LRRC37A2: variants seen among roughly 807,000 people sequenced by gnomAD.
The protein encoded by LRRC37A2 is leucine-rich repeat-containing protein 37A2.
In LRRC37A2, 9 loss-of-function variants were observed where a neutral mutation model predicts 68.8. The ratio of observed to expected loss-of-function variants is 0.13; its 90% CI spans 0.08 to 0.23. The LOEUF (loss-of-function observed/expected upper bound fraction) is 0.23. LRRC37A2 is among the 10% of genes least tolerant of loss of function. LRRC37A2 has a pLI of 1.00. For synonymous variants in LRRC37A2, 63 were observed against 367.6 expected, an observed-to-expected ratio of 0.17 and a Z score of 9.48; for missense variants, 168 against 950.4, an observed-to-expected ratio of 0.18 and a Z score of 10.82.
At chr17:46,491,134 C>T in the LRRC37A2 span, among the ~76,000 whole-genome samples, 32 of 150,854 alleles carry the variant, frequency 2.1e-4, no homozygotes, top group African/African-American at 3.5e-4. Context: ...TGAGCTCAGG[C>T]GATCCGCCCG....
the LRRC37A2 span, among the ~76,000 whole-genome samples, chr17:46,960,383 A>C: frequency 6.6e-6 from 1 of 152,236 alleles, no homozygotes; most frequent in Non-Finnish European, 1.5e-5. Context: ...GAGCACCTAG[A>C]ATGCTCACAC....
At chr17:46,970,292 G>A in the LRRC37A2 span, among the ~76,000 whole-genome samples, 2 of 152,102 alleles carry the variant, frequency 1.3e-5, no homozygotes, top group Non-Finnish European at 2.9e-5. Context: ...TGTAATCCCA[G>A]CACTTTGGGA....
chr17:46,946,393 G>A, the LRRC37A2 span, among the ~76,000 whole-genome samples: 2 of 150,390 alleles, frequency 1.3e-5, no homozygotes, highest in East Asian at 2.0e-4. Context: ...CCTGGGAGGC[G>A]GAGGTTGCAG....
At chr17:46,770,848 G>A in the LRRC37A2 span, among the ~76,000 whole-genome samples, 1 of 152,232 alleles carries the variant, frequency 6.6e-6, no homozygotes, top group South Asian at 2.1e-4. Flanking sequence ...CACATGGAAA[G>A]TTTTACTCAT....
chr17:46,887,528 G>A, the LRRC37A2 span, among the ~76,000 whole-genome samples: 183 of 152,254 alleles, frequency 1.2e-3, no homozygotes, highest in African/African-American at 4.2e-3. Context: ...ATTTTGGAAG[G>A]CTGAGGTGGG....
chr17:46,915,767 A>T, the LRRC37A2 span, among the ~76,000 whole-genome samples: 1 of 152,240 alleles, frequency 6.6e-6, no homozygotes, highest in Non-Finnish European at 1.5e-5. Flanking sequence ...GAGGCGGTTC[A>T]GGGCTCATGC....
In LRRC37A2 at chr17:46,545,046, A is replaced by C. The variant is rs1428131457; in HGVS notation, c.3054-1209A>C. On this transcript the variant is annotated intron_variant, in intron 8 of 14. Transcript: ENST00000576629. The stretch of plus-strand genomic sequence containing the variant: ...TAAGCATTTTTGGGAAAAATACTGC[A>C]TAGGTGATGTATCCTTCCTGCCTCG... Among the ~76,000 whole-genome samples, 3 of 138,640 alleles carry C rather than the reference A, an allele frequency of 2.2e-5. 1 individual carries two copies. The East Asian group carries it at 6.5e-4, about 30-fold the overall frequency. 91.0% of individuals were successfully genotyped at this position (138,640 alleles called of 152,430 possible).
At chr17:46,925,536 T>C in the LRRC37A2 span, among the ~76,000 whole-genome samples, 6 of 152,212 alleles carry the variant, frequency 3.9e-5, no homozygotes, top group African/African-American at 1.4e-4. Context: ...ATCTGTAGAA[T>C]GATATTATAA....
At chr17:46,918,596 GACACACACACACAC>G in the LRRC37A2 span, among the ~76,000 whole-genome samples, 5,639 of 146,618 alleles carry the variant, frequency 0.038, 114 homozygotes, top group Middle Eastern at 0.092. Context: ...ATAGCAGGCA[GACACACACACACAC>G]ACACACACAC....
At chr17:46,606,128 G>A in the LRRC37A2 span, among the ~76,000 whole-genome samples, 1 of 42,580 alleles carries the variant, frequency 2.3e-5, no homozygotes, top group Admixed American at 3.0e-4. Context: ...GCAGTGAGCC[G>A]AAATCACGCC....
chr17:46,836,090 G>A, the LRRC37A2 span, among the ~76,000 whole-genome samples: 8 of 147,600 alleles, frequency 5.4e-5, no homozygotes, highest in South Asian at 2.2e-4. Flanking sequence ...CTGGAGAGAC[G>A]CTGACGTGTG....
the LRRC37A2 span, among the ~76,000 whole-genome samples, chr17:46,703,680 C>CAAAAAAAAAAAAA: frequency 4.0e-4 from 15 of 37,642 alleles, 1 homozygote; most frequent in Non-Finnish European, 5.5e-4. Context: ...GACTCCGTCT[C>CAAAAAAAAAAAAA]AAAAAAAAAA....
chr17:46,862,942 G>GT, the LRRC37A2 span, among the ~76,000 whole-genome samples: 1 of 152,244 alleles, frequency 6.6e-6, no homozygotes, highest in African/African-American at 2.4e-5. Flanking sequence ...CTCGCTGGGT[G>GT]TCACCAGGCT....
At chr17:46,766,443 C>T in the LRRC37A2 span, among the ~76,000 whole-genome samples, 1 of 151,990 alleles carries the variant, frequency 6.6e-6, no homozygotes, top group South Asian at 2.1e-4. Context: ...CTCCCATTGT[C>T]ACCACCACTG....
the LRRC37A2 span, among the ~76,000 whole-genome samples, chr17:46,894,814 TC>T: frequency 6.6e-6 from 1 of 152,340 alleles, no homozygotes; most frequent in African/African-American, 2.4e-5. Flanking sequence ...TAGCTCTTTT[TC>T]AACTTTTCAC....
chr17:46,809,763 G>C, the LRRC37A2 span, among the ~76,000 whole-genome samples: 1 of 151,958 alleles, frequency 6.6e-6, no homozygotes. Context: ...CTGTGAACCT[G>C]GGTATGCCCC....
the LRRC37A2 span, among the ~76,000 whole-genome samples, chr17:46,438,387 T>G: frequency 4.1e-5 from 3 of 72,714 alleles, no homozygotes; most frequent in East Asian, 6.9e-4. Context: ...TTTTAGCAAC[T>G]CATAAAATAA....
chr17:46,949,872 G>A, the LRRC37A2 span, among the ~76,000 whole-genome samples: 1 of 152,188 alleles, frequency 6.6e-6, no homozygotes, highest in Non-Finnish European at 1.5e-5. Context: ...GGTTCAGTGT[G>A]GAGGAGGGAA....
chr17:46,875,074 C>T, the LRRC37A2 span: 12 of 1,613,358 alleles, frequency 7.4e-6, no homozygotes, highest in Non-Finnish European at 1.0e-5. Context: ...TTTCCTCCCT[C>T]CCTATGCCCC....
Sources: gnomAD v4.1 joint callset for allele counts (sites outside exome capture counted in the v4.1 genomes callset) on GRCh38, gnomAD v4.1.1 for gene constraint, MANE v1.5 for transcripts, NCBI Gene and HGNC (gene_info 2026-07-23, HGNC 2026-07-21) for gene names.